Variants in CREB5 observed in about 807,000 individuals in gnomAD.
CREB5 encodes cyclic AMP-responsive element-binding protein 5.
A neutral mutation model predicts 57.1 loss-of-function variants in CREB5; 19 were observed. The observed-to-expected ratio is 0.33, with a 90% confidence interval of 0.23 to 0.49. CREB5 has a LOEUF of 0.49. Among genes scored for constraint, CREB5 ranks in the 20% least tolerant of loss-of-function variants. The pLI is 0.99. For missense variants in CREB5, 579 were observed against 671.6 expected, an observed-to-expected ratio of 0.86 and a Z score of 1.52; for synonymous variants, 238 against 238.3, an observed-to-expected ratio of 1.00 and a Z score of 0.01.
At chr7:28,444,518 T>C (rs1006790575) in intron 1 of CREB5, among the ~76,000 whole-genome samples, 1 of 152,124 alleles carries the variant, frequency 6.6e-6, no homozygotes, top group African/African-American at 2.4e-5. Context: ...AATTAGCTGG[T>C]CAATCATTGT....
chr7:28,410,789 G>T, upstream of CREB5: 1 of 351,776 alleles, frequency 2.8e-6, no homozygotes, highest in Non-Finnish European at 5.6e-6. Context: ...TTGATTAACG[G>T]CTTGAGCTCC....
chr7:28,643,753 G>A (rs1250811171), intron 5 of CREB5, among the ~76,000 whole-genome samples: 1 of 90,454 alleles, frequency 1.1e-5, no homozygotes, highest in Non-Finnish European at 2.1e-5. Flanking sequence ...TTGGGAGGTG[G>A]GGGGGGGCGG....
chr7:28,538,438 A>G (rs1018108053), intron 4 of CREB5, among the ~76,000 whole-genome samples: 18 of 152,180 alleles, frequency 1.2e-4, no homozygotes, highest in African/African-American at 3.9e-4. Context: ...TTGGTGGCAT[A>G]TGTAGCTATG....
At chr7:28,404,877 C>T (rs1310374705) in intron 1 of CREB5, among the ~76,000 whole-genome samples, 1 of 152,186 alleles carries the variant, frequency 6.6e-6, no homozygotes, top group Non-Finnish European at 1.5e-5. Flanking sequence ...TGCCTTCAGG[C>T]AGGCACTGGG....
intron 1 of CREB5, among the ~76,000 whole-genome samples, chr7:28,356,929 A>G (rs1583394798): frequency 6.6e-6 from 1 of 152,228 alleles, no homozygotes; most frequent in Non-Finnish European, 1.5e-5. Flanking sequence ...ATCACCATAA[A>G]GAAGGGCAAC....
chr7:28,414,720 T>A (rs565129631), intron 1 of CREB5, among the ~76,000 whole-genome samples: 1 of 152,276 alleles, frequency 6.6e-6, no homozygotes, highest in Non-Finnish European at 1.5e-5. Flanking sequence ...GAGCAATTAG[T>A]GTTTTTTGAG....
intron 7 of CREB5, among the ~76,000 whole-genome samples, chr7:28,803,543 G>A (rs1808496777): frequency 6.6e-6 from 1 of 152,054 alleles, no homozygotes; most frequent in Non-Finnish European, 1.5e-5. Flanking sequence ...TGGATCACGA[G>A]GTCAGGAGTT....
intron 6 of CREB5, among the ~76,000 whole-genome samples, chr7:28,719,718 C>G (rs928264562): frequency 1.3e-5 from 2 of 152,118 alleles, no homozygotes; most frequent in Non-Finnish European, 2.9e-5. Context: ...TCCAGGTAGT[C>G]CGACTTCTGA....
At chr7:28,686,707 T>C (rs965785250) in intron 5 of CREB5, among the ~76,000 whole-genome samples, 1 of 152,198 alleles carries the variant, frequency 6.6e-6, no homozygotes, top group African/African-American at 2.4e-5. Flanking sequence ...GGGTCAGGGT[T>C]GCAAAGCATT....
chr7:28,555,589 C>T (rs139643157), intron 4 of CREB5, among the ~76,000 whole-genome samples: 3 of 152,072 alleles, frequency 2.0e-5, no homozygotes, highest in Non-Finnish European at 4.4e-5. Flanking sequence ...TATTTCTTTA[C>T]ATATAGGGCT....
At chr7:28,327,047 G>T (rs1785620792) in intron 1 of CREB5, among the ~76,000 whole-genome samples, 1 of 151,598 alleles carries the variant, frequency 6.6e-6, no homozygotes, top group Admixed American at 6.6e-5. Flanking sequence ...TACTTGGGAG[G>T]CTGAGGCTGG....
At chr7:28,724,775 G>C (rs1562597667) in intron 7 of CREB5, 1 of 153,180 alleles carries the variant, frequency 6.5e-6, no homozygotes, top group Non-Finnish European at 1.5e-5. Flanking sequence ...TGTGTTTTCT[G>C]TTATATTGTC....
intron 1 of CREB5, among the ~76,000 whole-genome samples, chr7:28,389,582 G>T (rs903153888): frequency 3.3e-5 from 5 of 150,230 alleles, no homozygotes; most frequent in African/African-American, 1.2e-4. Context: ...CCAGTTGTGG[G>T]TTTAAAACTT....
At chr7:28,582,995 T>C (rs1331430541) in intron 5 of CREB5, among the ~76,000 whole-genome samples, 1 of 152,190 alleles carries the variant, frequency 6.6e-6, no homozygotes, top group Admixed American at 6.5e-5. Flanking sequence ...TATTAAAATA[T>C]GGGCACCTCG....
chr7:28,334,629 T>A (rs1785779397), intron 1 of CREB5, among the ~76,000 whole-genome samples: 1 of 152,184 alleles, frequency 6.6e-6, no homozygotes, highest in Non-Finnish European at 1.5e-5. Flanking sequence ...TTGCAAATAT[T>A]TTCTCCCATT....
intron 4 of CREB5, among the ~76,000 whole-genome samples, chr7:28,561,156 C>T (rs917817681): frequency 2.0e-5 from 3 of 152,212 alleles, no homozygotes; most frequent in Non-Finnish European, 2.9e-5. Context: ...TTTATTTTCT[C>T]TTGTTCCACA....
intron 3 of CREB5, among the ~76,000 whole-genome samples, chr7:28,502,919 A>G (rs1248890765): frequency 6.6e-6 from 1 of 152,246 alleles, no homozygotes; most frequent in Non-Finnish European, 1.5e-5. Context: ...GTAAGGTAGC[A>G]ATCAATTATT....
intron 4 of CREB5, among the ~76,000 whole-genome samples, chr7:28,531,611 T>C (rs188826937): frequency 2.1e-4 from 32 of 152,266 alleles, no homozygotes; most frequent in Admixed American, 5.2e-4. Context: ...AGAACATCAA[T>C]ATATGAATTT....
intron 1 of CREB5, among the ~76,000 whole-genome samples, chr7:28,379,196 A>G (rs939905448): frequency 3.9e-5 from 6 of 152,242 alleles, no homozygotes; most frequent in African/African-American, 1.4e-4. Context: ...AAATTATCTG[A>G]GTCTCAGTAA....
Sources: gnomAD v4.1 joint callset for allele counts (sites outside exome capture counted in the v4.1 genomes callset) on GRCh38, gnomAD v4.1.1 for gene constraint, MANE v1.5 for transcripts, NCBI Gene and HGNC (gene_info 2026-07-23, HGNC 2026-07-21) for gene names.